The following MCTP1 variants were observed in gnomAD, a reference collection of about 807,000 sequenced individuals.
The protein encoded by MCTP1 is multiple C2 and transmembrane domain containing 1.
MCTP1 carries 69 observed loss-of-function variants against 120.6 expected under a neutral mutation model. The ratio of observed to expected loss-of-function variants is 0.57; its 90% CI spans 0.47 to 0.70. The LOEUF is 0.70. MCTP1 is among the 30% of genes least tolerant of loss of function. The probability of loss-of-function intolerance (pLI) is 0.00; values close to 1 mark genes in which losing one functional copy is unlikely to be tolerated. For synonymous variants in MCTP1, 529 were observed against 493.1 expected (o/e 1.07, Z -0.96); for missense variants, 1,203 against 1,248.8 (o/e 0.96, Z 0.55).
chr5:94,934,572 C>T (rs1275468820), intron 5 of MCTP1, among the ~76,000 whole-genome samples: 1 of 151,438 alleles, frequency 6.6e-6, no homozygotes, highest in Non-Finnish European at 1.5e-5. Context: ...CTTTTTAAGG[C>T]GATTATATAA....
intron 17 of MCTP1, among the ~76,000 whole-genome samples, chr5:94,865,608 AT>A (rs1310822518): frequency 1.1e-4 from 16 of 151,888 alleles, no homozygotes; most frequent in African/African-American, 3.9e-4. Context: ...CAGGGCTAAA[AT>A]GTCTCTAGTT....
At chr5:94,863,890 G>A (rs1000242417) in intron 17 of MCTP1, among the ~76,000 whole-genome samples, 15 of 150,778 alleles carry the variant, frequency 9.9e-5, no homozygotes, top group Admixed American at 8.6e-4. Context: ...CAACATCTTT[G>A]TTTTTTCTCT....
At chr5:95,202,931 G>A (rs1181876615) in intron 1 of MCTP1, among the ~76,000 whole-genome samples, 1 of 152,076 alleles carries the variant, frequency 6.6e-6, no homozygotes, top group East Asian at 1.9e-4. Context: ...GTTTCACCGT[G>A]TTGGCCAGGC....
intron 2 of MCTP1, among the ~76,000 whole-genome samples, chr5:94,970,850 C>CT (rs34523281): frequency 0.18 from 26,796 of 147,016 alleles, 2,452 homozygotes; most frequent in South Asian, 0.27. Context: ...CTCTTCAATC[C>CT]TTTTTTTTTT....
intron 19 of MCTP1, among the ~76,000 whole-genome samples, chr5:94,765,311 C>T (rs1772341342): frequency 6.6e-6 from 1 of 152,026 alleles, no homozygotes; most frequent in Non-Finnish European, 1.5e-5. Flanking sequence ...TTTCAAATAA[C>T]TAATTTAATG....
intron 10 of MCTP1, among the ~76,000 whole-genome samples, chr5:94,905,873 T>C (rs1250283326): frequency 6.6e-6 from 1 of 152,098 alleles, no homozygotes; most frequent in Non-Finnish European, 1.5e-5. Flanking sequence ...ATGAAGAAGA[T>C]GCCCAAAGAG....
At chr5:95,206,765 T>C (rs1178749661) in intron 1 of MCTP1, among the ~76,000 whole-genome samples, 2 of 152,138 alleles carry the variant, frequency 1.3e-5, no homozygotes, top group African/African-American at 2.4e-5. Flanking sequence ...CTCCATCTCT[T>C]GAACTCGTGA....
At chr5:95,174,568 G>T (rs536416978) in intron 1 of MCTP1, among the ~76,000 whole-genome samples, 3 of 152,282 alleles carry the variant, frequency 2.0e-5, no homozygotes, top group African/African-American at 7.2e-5. Flanking sequence ...GAAAATGTCT[G>T]TCTCATTCTT....
At chr5:94,973,181 T>A (rs967883488) in intron 2 of MCTP1, among the ~76,000 whole-genome samples, 2 of 152,222 alleles carry the variant, frequency 1.3e-5, no homozygotes, top group African/African-American at 2.4e-5. Context: ...GTTACCTAAC[T>A]TGTAAGCAGT....
intron 1 of MCTP1, among the ~76,000 whole-genome samples, chr5:95,054,769 A>C (rs1051777366): frequency 6.6e-6 from 1 of 151,362 alleles, no homozygotes; most frequent in African/African-American, 2.4e-5. Context: ...AAAAGGGAAA[A>C]ATATGAATCC....
At chr5:94,820,712 C>T (rs770927843) in intron 17 of MCTP1, among the ~76,000 whole-genome samples, 3 of 152,184 alleles carry the variant, frequency 2.0e-5, no homozygotes, top group Non-Finnish European at 2.9e-5. Context: ...AAGAGGATAA[C>T]GCTGAACGCT....
At chr5:95,207,768 G>A (rs1327703036) in intron 1 of MCTP1, among the ~76,000 whole-genome samples, 1 of 152,120 alleles carries the variant, frequency 6.6e-6, no homozygotes, top group Non-Finnish European at 1.5e-5. Flanking sequence ...AAATGTGATT[G>A]AGAAAGAGAG....
chr5:95,275,524 A>G (rs1052570962), intron 1 of MCTP1, among the ~76,000 whole-genome samples: 1 of 152,240 alleles, frequency 6.6e-6, no homozygotes, highest in Non-Finnish European at 1.5e-5. Flanking sequence ...GTGTTATCCA[A>G]TAAAAATACA....
Position 95,210,751 on chromosome 5 carries a change from C to T in MCTP1, c.720+73105G>A, listed in dbSNP as rs1306680291. ...GCTGGTTATTTTGCTCGTTAGTTCA[C>T]GCAGTTTCTTCCTAGTCTCGATGGT... On this transcript the variant is annotated intron_variant, in intron 1 of 22. Coordinates refer to ENST00000515393, the MANE Select transcript of MCTP1 (RefSeq NM_024717.7). Among the ~76,000 whole-genome samples, 547 of 151,920 alleles carry T rather than the reference C, an allele frequency of 3.6e-3. 1 individual carries two copies. The highest frequency in any genetic ancestry group is 0.011 in the African/African-American group (460 of 41,488).
chr5:95,188,759 G>T (rs1466308159), intron 1 of MCTP1, among the ~76,000 whole-genome samples: 1 of 152,014 alleles, frequency 6.6e-6, no homozygotes, highest in Non-Finnish European at 1.5e-5. Context: ...TGACAGGGGT[G>T]GTGAATATGC....
At chr5:95,265,273 A>T (rs928307250) in intron 1 of MCTP1, among the ~76,000 whole-genome samples, 1 of 152,132 alleles carries the variant, frequency 6.6e-6, no homozygotes, top group Admixed American at 6.6e-5. Flanking sequence ...TTCCACCCTC[A>T]GCTCTACCCA....
At chr5:94,908,140 A>G (rs1268894032) in intron 10 of MCTP1, among the ~76,000 whole-genome samples, 2 of 152,104 alleles carry the variant, frequency 1.3e-5, no homozygotes, top group East Asian at 1.9e-4. Context: ...TATCCCAAAG[A>G]GAACAAGATA....
At chr5:94,949,382 T>C (rs554214055) in intron 3 of MCTP1, among the ~76,000 whole-genome samples, 1 of 152,254 alleles carries the variant, frequency 6.6e-6, no homozygotes. Context: ...GCATTTTAAC[T>C]CCCAGTTTCT....
intron 1 of MCTP1, among the ~76,000 whole-genome samples, chr5:95,095,892 G>A (rs1290743468): frequency 6.6e-6 from 1 of 152,070 alleles, no homozygotes; most frequent in Non-Finnish European, 1.5e-5. Flanking sequence ...GAAATGAGGG[G>A]AGGCCCAGAA....
Sources: allele counts gnomAD v4.1 joint callset (sites outside exome capture counted in the v4.1 genomes callset), GRCh38; gene constraint gnomAD v4.1.1; transcripts MANE v1.5; gene names NCBI Gene and HGNC (gene_info 2026-07-23, HGNC 2026-07-21).